KCNH5: variants seen among roughly 807,000 people sequenced by gnomAD.
The protein encoded by KCNH5 is voltage-gated delayed rectifier potassium channel KCNH5.
In KCNH5, 46 loss-of-function variants were observed where a neutral mutation model predicts 96.1. That is an observed-to-expected ratio of 0.48 (90% CI 0.38 to 0.61). The LOEUF (loss-of-function observed/expected upper bound fraction) is 0.61. KCNH5 is among the 20% of genes least tolerant of loss of function. KCNH5 has a pLI of 0.00. For missense variants in KCNH5, 907 were observed against 1,225.8 expected (o/e 0.74, Z 3.88); for synonymous variants, 439 against 449.8 (o/e 0.98, Z 0.30).
intron 6 of KCNH5, among the ~76,000 whole-genome samples, chr14:62,970,713 T>G (rs938211326): frequency 6.6e-6 from 1 of 152,154 alleles, no homozygotes; most frequent in African/African-American, 2.4e-5. Flanking sequence ...AGTCAGTTAA[T>G]GTAATCCATA....
At chr14:62,846,238 T>C (rs1237942137) in intron 8 of KCNH5, among the ~76,000 whole-genome samples, 2 of 152,208 alleles carry the variant, frequency 1.3e-5, no homozygotes, top group African/African-American at 2.4e-5. Context: ...AAATTACTTA[T>C]GTCCTCAGAT....
intron 8 of KCNH5, among the ~76,000 whole-genome samples, chr14:62,818,376 C>A (rs1887043906): frequency 6.6e-6 from 1 of 151,808 alleles, no homozygotes; most frequent in Non-Finnish European, 1.5e-5. Flanking sequence ...CTCAATAAAG[C>A]AGAAAAATAA....
At chr14:62,714,545 G>A (rs1158195352) in intron 10 of KCNH5, among the ~76,000 whole-genome samples, 2 of 152,092 alleles carry the variant, frequency 1.3e-5, no homozygotes, top group Non-Finnish European at 2.9e-5. Flanking sequence ...AAAGTAAAAT[G>A]TCTCCTGCTA....
At chr14:62,719,020 G>A (rs1884749060) in intron 10 of KCNH5, among the ~76,000 whole-genome samples, 1 of 152,138 alleles carries the variant, frequency 6.6e-6, no homozygotes, top group African/African-American at 2.4e-5. Flanking sequence ...TAGAATCAGA[G>A]AGTATATAAA....
Position 62,890,990 on chromosome 14 carries a change from A to G in KCNH5, c.1370-41138T>C, listed in dbSNP as rs371309719. ...AATTAGTTCAACTATTGTGGAAAGCAGTATGGCGATTCCTCAAAGAGCTAA... is the reference window on the plus strand; with the variant it reads ...AATTAGTTCAACTATTGTGGAAAGCGGTATGGCGATTCCTCAAAGAGCTAA... On this transcript the variant is annotated intron_variant, in intron 7 of 10. Transcript: ENST00000322893. Among the ~76,000 whole-genome samples the G allele has an allele frequency of 4.3e-4, 65 of 152,332 alleles. 3 individuals carry two copies. In the South Asian group the frequency reaches 8.5e-3, roughly 20 times the overall value.
intron 7 of KCNH5, among the ~76,000 whole-genome samples, chr14:62,884,598 C>G (rs1274202543): frequency 1.3e-5 from 2 of 152,056 alleles, no homozygotes; most frequent in African/African-American, 4.8e-5. Flanking sequence ...TGCACTCCAG[C>G]CTGGGCGAGA....
At chr14:62,970,044 TAAAAAAA>T (rs373852520) in intron 6 of KCNH5, among the ~76,000 whole-genome samples, 8 of 30,400 alleles carry the variant, frequency 2.6e-4, no homozygotes, top group East Asian at 8.0e-4. Context: ...AGACTCCGTC[TAAAAAAA>T]AAAAAAAAAA....
At chr14:62,849,205 T>C in intron 8 of KCNH5, among the ~76,000 whole-genome samples, 1 of 151,976 alleles carries the variant, frequency 6.6e-6, no homozygotes, top group Admixed American at 6.6e-5. Context: ...CAGGAGAAAT[T>C]TAGGTGGAGG....
In KCNH5 at chr14:62,853,635, T is replaced by G. The variant is rs142303776; in HGVS notation, c.1370-3783A>C. ...AAACTAACTCATTCTTCAGAGCCCCTTTACTAGCTGTTCCTTGAACACTCT... is the reference window on the plus strand; with the variant it reads ...AAACTAACTCATTCTTCAGAGCCCCGTTACTAGCTGTTCCTTGAACACTCT... On this transcript the variant is annotated intron_variant, in intron 7 of 10. Coordinates refer to ENST00000322893, the MANE Select transcript of KCNH5 (RefSeq NM_139318.5). Among the ~76,000 whole-genome samples the G allele has an allele frequency of 3.8e-3, 573 of 151,686 alleles. 6 individuals are homozygous for G. Among genetic ancestry groups the G allele is most frequent in the African/African-American group, 0.013 (528 of 41,358 alleles).
At chr14:62,987,372 T>C (rs1301509406) in intron 4 of KCNH5, among the ~76,000 whole-genome samples, 185 bp from the exon 5 acceptor site, 2 of 152,200 alleles carry the variant, frequency 1.3e-5, no homozygotes, top group South Asian at 2.1e-4. Context: ...GGCCATAAAA[T>C]AATGAGCAAT....
At chr14:63,035,447 G>A (rs377590091) in intron 1 of KCNH5, among the ~76,000 whole-genome samples, 71 of 152,312 alleles carry the variant, frequency 4.7e-4, no homozygotes, top group African/African-American at 1.6e-3. Flanking sequence ...CTATGTAACA[G>A]GAGCTAATTG....
chr14:63,034,992 A>G (rs955419515), intron 1 of KCNH5, among the ~76,000 whole-genome samples: 1 of 152,216 alleles, frequency 6.6e-6, no homozygotes, highest in Non-Finnish European at 1.5e-5. Context: ...TTGATGCATA[A>G]CATCATAATA....
At chr14:62,721,199 T>TG (rs34181120) in intron 10 of KCNH5, among the ~76,000 whole-genome samples, 52,047 of 152,056 alleles carry the variant, frequency 0.34, 9,937 homozygotes, top group South Asian at 0.53. Context: ...ATATGGGTAT[T>TG]GGAGAATTTG....
intron 7 of KCNH5, among the ~76,000 whole-genome samples, chr14:62,869,499 GA>G (rs1342571622): frequency 6.6e-6 from 1 of 152,018 alleles, no homozygotes; most frequent in African/African-American, 2.4e-5. Flanking sequence ...TCACTCTGAT[GA>G]TAGTTTCTTT....
intron 6 of KCNH5, among the ~76,000 whole-genome samples, chr14:62,968,686 T>A (rs1418140655): frequency 6.6e-6 from 1 of 152,208 alleles, no homozygotes; most frequent in Non-Finnish European, 1.5e-5. Flanking sequence ...CATGTATAGT[T>A]AGGAAATGTG....
At chr14:62,980,579 A>G (rs2139567857) in intron 6 of KCNH5, among the ~76,000 whole-genome samples, 1 of 152,314 alleles carries the variant, frequency 6.6e-6, no homozygotes, top group Non-Finnish European at 1.5e-5. Flanking sequence ...TCAATCAATT[A>G]TGTAGTTTGT....
At chr14:62,896,099 C>T (rs896774973) in intron 7 of KCNH5, among the ~76,000 whole-genome samples, 6 of 152,136 alleles carry the variant, frequency 3.9e-5, no homozygotes, top group African/African-American at 1.4e-4. Flanking sequence ...AAGCAGGGAA[C>T]CTACAGCAAC....
intron 6 of KCNH5, among the ~76,000 whole-genome samples, chr14:62,977,058 C>T (rs1297550807): frequency 1.3e-5 from 2 of 152,078 alleles, no homozygotes; most frequent in African/African-American, 4.8e-5. Context: ...CTATAAAATG[C>T]ATATTTGCAG....
Position 62,701,230 on chromosome 14 carries a change from G to A in KCNH5, c.*6278C>T, listed in dbSNP as rs1015103276. On this transcript the variant is annotated 3_prime_UTR_variant, in exon 11 of 11. Coordinates refer to ENST00000322893, the MANE Select transcript of KCNH5 (RefSeq NM_139318.5). ...TGGGAGAACACTTATTTCTAAAGAA[G>A]GCCCCAGCATTTGACAAGCTTTCAA... is the stretch of plus-strand genomic sequence containing the variant. The A allele has an allele frequency of 2.0e-5, 3 of 152,112 alleles. No homozygotes were observed. The highest frequency in any genetic ancestry group is 2.9e-5 in the Non-Finnish European group (2 of 67,992). 9.4% of individuals were successfully genotyped at this position (152,112 alleles called of 1,614,324 possible).
Sources: gnomAD v4.1 joint callset for allele counts (sites outside exome capture counted in the v4.1 genomes callset) on GRCh38, gnomAD v4.1.1 for gene constraint, MANE v1.5 for transcripts, NCBI Gene and HGNC (gene_info 2026-07-23, HGNC 2026-07-21) for gene names.